NXPH1: variants seen among roughly 807,000 people sequenced by gnomAD.
NXPH1 encodes the protein neurexophilin 1.
In NXPH1, 5 loss-of-function variants were observed where a neutral mutation model predicts 23.7. The observed-to-expected ratio is 0.21, with a 90% CI of 0.11 to 0.44. NXPH1 has a LOEUF of 0.44. Ranked by LOEUF, NXPH1 falls within the 20% of genes least tolerant of loss-of-function variation. NXPH1 has a pLI of 0.99. For missense variants in NXPH1, 324 were observed against 321.6 expected, an observed-to-expected ratio of 1.01 and a Z score of -0.06; for synonymous variants, 144 against 122.2, an observed-to-expected ratio of 1.18 and a Z score of -1.18.
intron 2 of NXPH1, among the ~76,000 whole-genome samples, chr7:8,582,571 CA>C (rs1244298224): frequency 6.6e-6 from 1 of 152,158 alleles, no homozygotes; most frequent in Non-Finnish European, 1.5e-5. Flanking sequence ...CTCCTTTCTG[CA>C]GGAAGGTTAT....
intron 2 of NXPH1, among the ~76,000 whole-genome samples, chr7:8,602,772 C>T (rs1474241075): frequency 1.3e-5 from 2 of 152,116 alleles, no homozygotes; most frequent in African/African-American, 4.8e-5. Flanking sequence ...TTCATAGCTC[C>T]AATATCATGT....
At chr7:8,552,287 A>T (rs139001170) in intron 2 of NXPH1, among the ~76,000 whole-genome samples, 1 of 151,436 alleles carries the variant, frequency 6.6e-6, no homozygotes, top group South Asian at 2.1e-4. Flanking sequence ...AACCGATAGC[A>T]AGCAAAAATT....
chr7:8,683,072 G>A (rs1363886786), intron 2 of NXPH1, among the ~76,000 whole-genome samples: 1 of 152,178 alleles, frequency 6.6e-6, no homozygotes, highest in African/African-American at 2.4e-5. Context: ...TGCAAACTGT[G>A]CAGGAAACAT....
At chr7:8,452,587 A>T (rs1221647593) in intron 2 of NXPH1, among the ~76,000 whole-genome samples, 2 of 152,160 alleles carry the variant, frequency 1.3e-5, no homozygotes, top group African/African-American at 2.4e-5. Context: ...CAGATTATTC[A>T]TGGTGGGGAA....
At chr7:8,618,003 G>A (rs1433625051) in intron 2 of NXPH1, among the ~76,000 whole-genome samples, 2 of 151,974 alleles carry the variant, frequency 1.3e-5, no homozygotes, top group African/African-American at 4.8e-5. Flanking sequence ...CATCTATTAT[G>A]TACCCACAAA....
intron 2 of NXPH1, among the ~76,000 whole-genome samples, chr7:8,477,474 T>C (rs1247320279): frequency 6.6e-6 from 1 of 152,106 alleles, no homozygotes; most frequent in Non-Finnish European, 1.5e-5. Context: ...AAAATGGCAA[T>C]AAATTTTCTT....
intron 2 of NXPH1, among the ~76,000 whole-genome samples, chr7:8,591,190 C>T (rs981665055): frequency 1.3e-5 from 2 of 152,060 alleles, no homozygotes; most frequent in East Asian, 3.9e-4. Flanking sequence ...AACATTGTGT[C>T]GTTCTTTCAT....
chr7:8,728,600 G>A (rs542839467), intron 2 of NXPH1, among the ~76,000 whole-genome samples: 1 of 152,026 alleles, frequency 6.6e-6, no homozygotes, highest in Non-Finnish European at 1.5e-5. Flanking sequence ...AGATAATCAT[G>A]TGGTTTTTGT....
intron 2 of NXPH1, among the ~76,000 whole-genome samples, chr7:8,720,386 T>C (rs1779952446): frequency 6.6e-6 from 1 of 152,342 alleles, no homozygotes; most frequent in East Asian, 1.9e-4. Context: ...ATTAGGTTAC[T>C]GGTATCTACA....
Position 8,589,750 on chromosome 7 carries a change from A to T in NXPH1, c.54+153983A>T, listed in dbSNP as rs541780386. 3.9e-5 allele frequency among the ~76,000 whole-genome samples: 6 copies of T among 152,216 alleles called. No homozygotes were observed. In the East Asian group the frequency reaches 1.2e-3, roughly 29 times the overall value. ...ATTAAAGACTATGCTCTGGGAAAGG[A>T]CAAACAGACCAGAGAGCAGGTCTAC... On this transcript the variant is annotated intron_variant, in intron 2 of 2. Transcript: ENST00000405863.
At chr7:8,627,528 AAGG>A (rs1459206028) in intron 2 of NXPH1, among the ~76,000 whole-genome samples, 1 of 152,140 alleles carries the variant, frequency 6.6e-6, no homozygotes, top group African/African-American at 2.4e-5. Context: ...CAGGGGGAGA[AAGG>A]CCTGACACTA....
At chr7:8,478,939 C>T (rs1019605276) in intron 2 of NXPH1, among the ~76,000 whole-genome samples, 2 of 152,030 alleles carry the variant, frequency 1.3e-5, no homozygotes, top group African/African-American at 4.8e-5. Flanking sequence ...TATTGGCATA[C>T]AATGACCCAA....
At chr7:8,537,996 C>T (rs559315686) in intron 2 of NXPH1, among the ~76,000 whole-genome samples, 1 of 151,890 alleles carries the variant, frequency 6.6e-6, no homozygotes, top group Admixed American at 6.6e-5. Flanking sequence ...GTAAGGCTAC[C>T]AATGATAGTA....
intron 2 of NXPH1, among the ~76,000 whole-genome samples, chr7:8,683,064 C>CA (rs1449786275): frequency 9.2e-5 from 14 of 152,174 alleles, no homozygotes; most frequent in Non-Finnish European, 2.1e-4. Context: ...TGGAGTTCTG[C>CA]AAACTGTGCA....
intron 2 of NXPH1, among the ~76,000 whole-genome samples, chr7:8,735,955 T>A (rs936400610): frequency 1.3e-5 from 2 of 152,202 alleles, no homozygotes; most frequent in Non-Finnish European, 2.9e-5. Context: ...AATAGTAGTT[T>A]GTATTTCTAT....
intron 2 of NXPH1, among the ~76,000 whole-genome samples, chr7:8,633,345 T>C (rs1446290565): frequency 6.6e-6 from 1 of 152,192 alleles, no homozygotes; most frequent in East Asian, 1.9e-4. Context: ...GGGGAATCAC[T>C]TGAACCCAGG....
chr7:8,472,860 G>A (rs572277805), intron 2 of NXPH1, among the ~76,000 whole-genome samples: 3 of 152,252 alleles, frequency 2.0e-5, no homozygotes, highest in South Asian at 4.1e-4. Flanking sequence ...CTTGGTTTTA[G>A]CACCTAGTCC....
intron 2 of NXPH1, among the ~76,000 whole-genome samples, chr7:8,483,982 T>TTTTTTTTTTTTTA (rs1817117929): frequency 6.6e-6 from 1 of 151,300 alleles, no homozygotes; most frequent in African/African-American, 2.4e-5. Context: ...TTTTTTTTTT[T>TTTTTTTTTTTTTA]AAGAAGTAGA....
chr7:8,740,713 G>GT (rs923782038), intron 2 of NXPH1, among the ~76,000 whole-genome samples: 117 of 146,306 alleles, frequency 8.0e-4, no homozygotes, highest in Middle Eastern at 3.5e-3. Flanking sequence ...TTTTGCTTTT[G>GT]TTTTTTTTTT....
Sources: gnomAD v4.1 joint callset for allele counts (sites outside exome capture counted in the v4.1 genomes callset) on GRCh38, gnomAD v4.1.1 for gene constraint, MANE v1.5 for transcripts, NCBI Gene and HGNC (gene_info 2026-07-23, HGNC 2026-07-21) for gene names.